The following ATP2B4 variants were observed in gnomAD, a reference collection of about 807,000 sequenced individuals.
ATP2B4 encodes the protein plasma membrane calcium-transporting ATPase 4.
A neutral mutation model predicts 110.3 loss-of-function variants in ATP2B4; 39 were observed. That is an observed-to-expected ratio of 0.35 (90% CI 0.27 to 0.46). The LOEUF (loss-of-function observed/expected upper bound fraction) is 0.46. Among genes scored for constraint, ATP2B4 ranks in the 20% least tolerant of loss-of-function variants. The probability of loss-of-function intolerance (pLI) is 1.00; values close to 1 mark genes in which losing one functional copy is unlikely to be tolerated. For synonymous variants in ATP2B4, 538 were observed against 571.7 expected (o/e 0.94, Z 0.84); for missense variants, 1,135 against 1,530.9 (o/e 0.74, Z 4.32).
rs1019027729 is a variant in ATP2B4 at position 203,740,763 on chromosome 1, T to A, written c.*909T>A. On this transcript the variant is annotated 3_prime_UTR_variant, in exon 21 of 21. Coordinates refer to ENST00000357681, the MANE Select transcript of ATP2B4 (RefSeq NM_001684.5). The stretch of plus-strand genomic sequence containing the variant: ...TTTACCTGAAAGCCTGAGCTTTCTC[T>A]TATTCCTAAAGTGGTGGCAAAAGAA... 1 of 152,298 alleles carries A rather than the reference T, an allele frequency of 6.6e-6. No homozygotes were observed. Among genetic ancestry groups the A allele is most frequent in the African/African-American group, 2.4e-5 (1 of 41,462 alleles). 9.4% of individuals were successfully genotyped at this position (152,298 alleles called of 1,614,324 possible). A position where few individuals can be genotyped will look rare whatever the true frequency, so the allele number is the denominator to read the frequency against.
intron 2 of ATP2B4, among the ~76,000 whole-genome samples, chr1:203,693,485 A>G (rs1161503931): frequency 1.3e-5 from 2 of 152,180 alleles, no homozygotes; most frequent in Admixed American, 1.3e-4. Context: ...GAAAATGGCA[A>G]AAAAAAGAAG....
At position 203,702,023 on chromosome 1, in the gene ATP2B4, TTTTC is replaced by T; in HGVS notation, c.902-14_902-11del. On this transcript the variant is annotated splice_polypyrimidine_tract_variant and intron_variant, in intron 6 of 20. Coordinates refer to ENST00000357681, the MANE Select transcript of ATP2B4 (RefSeq NM_001684.5). ...GTTACTTTGGGTTTCGACCCCACTT[TTTTC>T]TTTCTTGTTCAAACAGGTAAAAAAC... 2 of 1,614,034 alleles carry T rather than the reference TTTTC, an allele frequency of 1.2e-6. No individual in the cohort carries two copies. Among genetic ancestry groups the T allele is most frequent in the Non-Finnish European group, 8.5e-7 (1 of 1,179,964 alleles).
In ATP2B4 at chr1:203,724,057, G is replaced by C. The variant is rs967144023; in HGVS notation, c.3132+69G>C. 5 of 1,361,588 alleles carry C rather than the reference G, an allele frequency of 3.7e-6. No individual in the cohort carries two copies. In the Admixed American group the frequency reaches 6.4e-5, roughly 17 times the overall value. The allele number at this position is 1,361,588 out of a possible 1,614,324, so 84.3% of individuals were successfully genotyped here. A position where few individuals can be genotyped will look rare whatever the true frequency, so the allele number is the denominator to read the frequency against. On this transcript the variant is annotated intron_variant, in intron 19 of 20. Transcript: ENST00000357681. ...GAACTCCCCTCCTCTACATGAGATG[G>C]AACAAGCAACGGTGGAGACCCCCCA... is the stretch of plus-strand genomic sequence containing the variant.
intron 3 of ATP2B4, 39 bp downstream of exon 3, chr1:203,698,393 G>C (rs1258680262): frequency 6.2e-7 from 1 of 1,601,770 alleles, no homozygotes; most frequent in Non-Finnish European, 8.6e-7. Context: ...TCTTATCTGG[G>C]TTCTTTCCAC....
intron 1 of ATP2B4, among the ~76,000 whole-genome samples, chr1:203,632,077 C>T (rs545723604): frequency 3.0e-4 from 46 of 151,846 alleles, no homozygotes; most frequent in African/African-American, 9.4e-4. Flanking sequence ...CCACCAAGCC[C>T]AGCCACAAGG....
intron 1 of ATP2B4, among the ~76,000 whole-genome samples, chr1:203,650,744 C>T (rs1022022295): frequency 1.2e-4 from 19 of 152,218 alleles, no homozygotes; most frequent in African/African-American, 4.6e-4. Context: ...TGCGGAAGTC[C>T]CGCACAGGGC....
intron 2 of ATP2B4, among the ~76,000 whole-genome samples, chr1:203,688,635 T>C (rs1327075665): frequency 6.6e-6 from 1 of 152,106 alleles, no homozygotes; most frequent in Non-Finnish European, 1.5e-5. Flanking sequence ...CTTGTGTTCC[T>C]TGAGTATACA....
intron 18 of ATP2B4, among the ~76,000 whole-genome samples, chr1:203,723,450 CTCT>C (rs1666403098): frequency 2.9e-5 from 4 of 138,672 alleles, no homozygotes; most frequent in East Asian, 4.3e-4. Context: ...CTCTCTCTCT[CTCT>C]CTCTCTCCCT....
At chr1:203,659,298 A>C (rs1001430596) in intron 1 of ATP2B4, among the ~76,000 whole-genome samples, 1 of 152,242 alleles carries the variant, frequency 6.6e-6, no homozygotes, top group Non-Finnish European at 1.5e-5. Flanking sequence ...CTCTTGTATT[A>C]ATCACTTTGA....
In ATP2B4 at chr1:203,739,813, C is replaced by A. The variant is rs376771228; in HGVS notation, c.3577C>A (p.Gln1193Lys). ...GGATTGCAACCAAGTGCAGCTCCCC[C>A]AGTCGGACAGCTCTCTACAGAGCCT... ...AVDCNQVQLP[Q>K]SDSSLQSLET... The change falls in exon 21 of 21, where the codon CAG (glutamine) becomes AAG (lysine). Residue 1193 changes from glutamine (Q) to lysine (K), a missense_variant. By Grantham distance (53) the Gln-to-Lys change is moderately conservative (BLOSUM62 1). This residue lies in a region of ATP2B4 where 92 missense variants were observed against 82.5 expected (regional missense o/e 1.11). Transcript: ENST00000357681. 3.1e-6 allele frequency: 5 copies of A among 1,614,002 alleles called. No individual in the cohort carries two copies. The African/African-American group carries it at 5.3e-5, about 17-fold the overall frequency.
chr1:203,658,093 A>G (rs1664220446), intron 1 of ATP2B4, among the ~76,000 whole-genome samples: 1 of 152,216 alleles, frequency 6.6e-6, no homozygotes, highest in African/African-American at 2.4e-5. Flanking sequence ...AGTATTGTGT[A>G]CACATAACTT....
At chr1:203,649,675 T>G (rs1040469703) in intron 1 of ATP2B4, among the ~76,000 whole-genome samples, 1 of 152,096 alleles carries the variant, frequency 6.6e-6, no homozygotes, top group Admixed American at 6.5e-5. Flanking sequence ...ATACCTGTAG[T>G]CCCAGCTACT....
intron 1 of ATP2B4, among the ~76,000 whole-genome samples, chr1:203,627,789 C>A (rs1376068511): frequency 6.6e-6 from 1 of 151,942 alleles, no homozygotes; most frequent in African/African-American, 2.4e-5. Context: ...GAGAAGTTGG[C>A]AGGAGTGGGG....
At chr1:203,681,988 C>G (rs1480300994) in intron 1 of ATP2B4, among the ~76,000 whole-genome samples, 1 of 149,264 alleles carries the variant, frequency 6.7e-6, no homozygotes, top group Non-Finnish European at 1.5e-5. Flanking sequence ...TTTTACTCTC[C>G]TCTTCTCCCC....
intron 1 of ATP2B4, among the ~76,000 whole-genome samples, chr1:203,636,890 A>G (rs1663455075): frequency 6.6e-6 from 1 of 152,292 alleles, no homozygotes; most frequent in Middle Eastern, 3.4e-3. Flanking sequence ...TGACCAGGGG[A>G]AAAGAGGCCA....
At chr1:203,674,093 G>A (rs996884713) in intron 1 of ATP2B4, among the ~76,000 whole-genome samples, 23 of 152,146 alleles carry the variant, frequency 1.5e-4, no homozygotes, top group African/African-American at 1.9e-4. Flanking sequence ...GGAGGGCTGC[G>A]TCCTGTCTGT....
intron 1 of ATP2B4, among the ~76,000 whole-genome samples, chr1:203,651,843 A>C (rs1571682388): frequency 6.6e-6 from 1 of 152,062 alleles, no homozygotes; most frequent in East Asian, 2.0e-4. Context: ...GGATCACCTG[A>C]GGTCAGGAGT....
chr1:203,736,808 G>A (rs1666889342), intron 20 of ATP2B4, among the ~76,000 whole-genome samples: 1 of 152,150 alleles, frequency 6.6e-6, no homozygotes, highest in Admixed American at 6.5e-5. Context: ...GCCAGCCCTG[G>A]GTGGATTGGT....
At chr1:203,713,140 T>C (rs1666060544) in intron 13 of ATP2B4, 25 bp from the exon 14 acceptor site, 9 of 1,613,718 alleles carry the variant, frequency 5.6e-6, no homozygotes, top group Non-Finnish European at 5.9e-6. Context: ...ATTTGACTGA[T>C]CCAGGTGTGG....
Sources: allele counts gnomAD v4.1 joint callset (sites outside exome capture counted in the v4.1 genomes callset), GRCh38; gene constraint gnomAD v4.1.1; regional missense constraint gnomAD v4.1.1; transcripts MANE v1.5; gene names NCBI Gene and HGNC (gene_info 2026-07-23, HGNC 2026-07-21).